Variants in NMNAT2 observed in about 807,000 individuals in gnomAD.
NMNAT2 encodes nicotinamide/nicotinic acid mononucleotide adenylyltransferase 2.
A neutral mutation model predicts 41.6 loss-of-function variants in NMNAT2; 11 were observed. The observed-to-expected ratio is 0.26, with a 90% CI of 0.17 to 0.44. NMNAT2 has a LOEUF of 0.44. Ranked by LOEUF, NMNAT2 falls within the 20% of genes least tolerant of loss-of-function variation. The pLI, the probability that NMNAT2 is intolerant of heterozygous loss-of-function variation, is 1.00. For synonymous variants in NMNAT2, 148 were observed against 151.2 expected (o/e 0.98, Z 0.16); for missense variants, 288 against 407.7 (o/e 0.71, Z 2.53).
chr1:183,326,764 T>C (rs557726254), intron 1 of NMNAT2, among the ~76,000 whole-genome samples: 1 of 152,150 alleles, frequency 6.6e-6, no homozygotes, highest in South Asian at 2.1e-4. Flanking sequence ...AAGATTGCAA[T>C]GGACAAGGTG....
Position 183,407,585 on chromosome 1 carries a change from C to T in NMNAT2, c.85+10598G>A, listed in dbSNP as rs146827921. Among the ~76,000 whole-genome samples, 210 of 152,158 alleles carry T rather than the reference C, an allele frequency of 1.4e-3. 5 individuals are homozygous for T. In the East Asian group the frequency reaches 0.029, roughly 21 times the overall value. The stretch of plus-strand genomic sequence containing the variant: ...ACTGTGCTGGGCACCTTAGGAGATA[C>T]AAAAAACCATATGACCTTGGCTAGA... On this transcript the variant is annotated intron_variant, in intron 1 of 10. Coordinates refer to ENST00000287713, the MANE Select transcript of NMNAT2 (RefSeq NM_015039.4).
intron 1 of NMNAT2, among the ~76,000 whole-genome samples, chr1:183,404,654 G>A (rs1648904824): frequency 6.6e-6 from 1 of 152,198 alleles, no homozygotes; most frequent in African/African-American, 2.4e-5. Flanking sequence ...CTGGAGGGAA[G>A]CCTTGGAGGC....
chr1:183,329,284 A>C (rs1262258753), intron 1 of NMNAT2, among the ~76,000 whole-genome samples: 1 of 152,188 alleles, frequency 6.6e-6, no homozygotes, highest in Non-Finnish European at 1.5e-5. Flanking sequence ...TTGAAGATAA[A>C]TATTATAAAA....
rs1660320370 is a variant in NMNAT2 at position 183,249,672 on chromosome 1, A to AAG, written c.*2967_*2968dup. On this transcript the variant is annotated 3_prime_UTR_variant, in exon 11 of 11. Transcript: ENST00000287713. The stretch of plus-strand genomic sequence containing the variant: ...TGCTGTGACCTTCCCCTAGCAAATG[A>AAG]AGAGTAGGGCGTGTGTGTGTGTGTG... The AAG allele has an allele frequency of 7.1e-6, 1 of 140,866 alleles. No individual in the cohort carries two copies. Among genetic ancestry groups the AAG allele is most frequent in the Non-Finnish European group, 1.5e-5 (1 of 66,556 alleles). The allele number at this position is 140,866 out of a possible 1,614,324, so 8.7% of individuals were successfully genotyped here. A position where few individuals can be genotyped will look rare whatever the true frequency, so the allele number is the denominator to read the frequency against.
chr1:183,255,946 G>C (rs1490497060), intron 10 of NMNAT2, among the ~76,000 whole-genome samples: 1 of 151,894 alleles, frequency 6.6e-6, no homozygotes, highest in African/African-American at 2.4e-5. Flanking sequence ...TTATAGGTGT[G>C]AGCCACCGTG....
intron 1 of NMNAT2, among the ~76,000 whole-genome samples, chr1:183,378,876 C>G (rs1180436678): frequency 6.6e-6 from 1 of 152,068 alleles, no homozygotes; most frequent in Non-Finnish European, 1.5e-5. Context: ...AACTCCATCT[C>G]TACTAAATAT....
chr1:183,376,987 C>T (rs1037789223), intron 1 of NMNAT2, among the ~76,000 whole-genome samples: 4 of 152,060 alleles, frequency 2.6e-5, no homozygotes, highest in African/African-American at 9.7e-5. Flanking sequence ...AGAAAGCTCC[C>T]CTCTTGGTTC....
intron 1 of NMNAT2, among the ~76,000 whole-genome samples, chr1:183,341,734 A>AC (rs1662814466): frequency 2.9e-5 from 4 of 139,880 alleles, no homozygotes; most frequent in African/African-American, 1.0e-4. Flanking sequence ...CCAAAAAAAA[A>AC]AAAAAAAAAA....
At chr1:183,304,358 T>C (rs1489450335) in intron 1 of NMNAT2, among the ~76,000 whole-genome samples, 7 of 152,052 alleles carry the variant, frequency 4.6e-5, no homozygotes, top group Middle Eastern at 6.9e-3. Context: ...AGGAACAGGG[T>C]TTTCTTAGAA....
At chr1:183,256,582 T>C (rs926353550) in intron 10 of NMNAT2, among the ~76,000 whole-genome samples, 1 of 152,230 alleles carries the variant, frequency 6.6e-6, no homozygotes, top group African/African-American at 2.4e-5. Context: ...TTCAGTCTAT[T>C]TATGTGATGT....
intron 8 of NMNAT2, among the ~76,000 whole-genome samples, chr1:183,267,525 G>A (rs905246407): frequency 2.0e-5 from 3 of 152,128 alleles, no homozygotes; most frequent in South Asian, 2.1e-4. Flanking sequence ...TTAGGGTGGG[G>A]TCAAAATGAG....
chr1:183,292,958 T>C, intron 2 of NMNAT2, 101 bp from the exon 3 acceptor site: 6 of 1,072,580 alleles, frequency 5.6e-6, no homozygotes, highest in Non-Finnish European at 8.5e-6. Context: ...GCAGCCATTT[T>C]TCAGTGGTGA....
chr1:183,361,439 C>T (rs533097469), intron 1 of NMNAT2, among the ~76,000 whole-genome samples: 6 of 152,056 alleles, frequency 3.9e-5, no homozygotes, highest in Admixed American at 1.3e-4. Flanking sequence ...CTATGAGCCT[C>T]GGATTTTTCA....
intron 1 of NMNAT2, among the ~76,000 whole-genome samples, chr1:183,376,585 G>C (rs568521490): frequency 6.6e-6 from 1 of 152,268 alleles, no homozygotes; most frequent in African/African-American, 2.4e-5. Flanking sequence ...ACAGGTGAGT[G>C]ATTTTTGGTT....
intron 1 of NMNAT2, among the ~76,000 whole-genome samples, chr1:183,400,187 C>T (rs1281089023): frequency 1.3e-5 from 2 of 152,212 alleles, no homozygotes; most frequent in African/African-American, 4.8e-5. Flanking sequence ...CCAAAATCTC[C>T]TTAAGCTGAT....
intron 8 of NMNAT2, among the ~76,000 whole-genome samples, chr1:183,275,625 G>A (rs1434778521): frequency 6.6e-6 from 1 of 151,550 alleles, no homozygotes; most frequent in Non-Finnish European, 1.5e-5. Flanking sequence ...ACTCCAGGAT[G>A]GCTAACCCAG....
intron 1 of NMNAT2, among the ~76,000 whole-genome samples, chr1:183,349,987 G>A (rs549688578): frequency 6.6e-6 from 1 of 152,204 alleles, no homozygotes; most frequent in South Asian, 2.1e-4. Flanking sequence ...AGGCTCCAGA[G>A]TTAGGCTCTG....
chr1:183,275,061 G>A (rs939817320), intron 8 of NMNAT2, among the ~76,000 whole-genome samples: 4 of 152,116 alleles, frequency 2.6e-5, no homozygotes, highest in African/African-American at 9.7e-5. Context: ...TGTGGAGCAG[G>A]GCACCTTTGA....
chr1:183,317,940 T>C (rs1287923873), intron 1 of NMNAT2, among the ~76,000 whole-genome samples: 2 of 152,194 alleles, frequency 1.3e-5, no homozygotes, highest in African/African-American at 4.8e-5. Context: ...TCACAGGTGG[T>C]GCACCCACTG....
Sources: allele counts gnomAD v4.1 joint callset (sites outside exome capture counted in the v4.1 genomes callset), GRCh38; gene constraint gnomAD v4.1.1; transcripts MANE v1.5; gene names NCBI Gene and HGNC (gene_info 2026-07-23, HGNC 2026-07-21).